TDRKH: variants seen among roughly 807,000 people sequenced by gnomAD.
TDRKH encodes the protein tudor and KH domain containing, also known as tudor and KH domain-containing protein.
Under a neutral mutation model 61.3 loss-of-function variants are expected in TDRKH, and 28 were observed. The ratio of observed to expected loss-of-function variants is 0.46; its 90% CI spans 0.34 to 0.63. The LOEUF (loss-of-function observed/expected upper bound fraction) is 0.63, where lower values mean the gene tolerates loss of function less well. Ranked by LOEUF, TDRKH falls within the 20% of genes least tolerant of loss-of-function variation. TDRKH has a pLI of 0.01. For missense variants in TDRKH, 540 were observed against 683.4 expected, an observed-to-expected ratio of 0.79 and a Z score of 2.34; for synonymous variants, 219 against 244.4, an observed-to-expected ratio of 0.90 and a Z score of 0.97.
At chr1:151,767,874 A>G, downstream of TDRKH, 1 of 734,670 alleles carries the variant, frequency 1.4e-6, no homozygotes. Context: ...GATATAAAGG[A>G]GAACTCCACA....
Position 151,773,988 on chromosome 1 carries a change from C to G in TDRKH, c.*464G>C, listed in dbSNP as rs752703686. The G allele has an allele frequency of 7.6e-5, 12 of 158,768 alleles. No individual in the cohort carries two copies. The highest frequency in any genetic ancestry group is 1.2e-4 in the Non-Finnish European group (9 of 72,552). 9.8% of individuals were successfully genotyped at this position (158,768 alleles called of 1,614,324 possible). On this transcript the variant is annotated 3_prime_UTR_variant, in exon 13 of 13. Coordinates refer to ENST00000368824, the MANE Select transcript of TDRKH (RefSeq NM_001083965.2). ...GACTGGTAGAGGGGACTGAGCCTGACGTTGAACGGCCTGGAAGTAACACAG... is the reference window on the plus strand; with the variant it reads ...GACTGGTAGAGGGGACTGAGCCTGAGGTTGAACGGCCTGGAAGTAACACAG...
chr1:151,784,933 G>GTTTT (rs377380901), intron 1 of TDRKH, among the ~76,000 whole-genome samples: 1 of 126,532 alleles, frequency 7.9e-6, no homozygotes, highest in Admixed American at 8.0e-5. Flanking sequence ...ATGGCAATTC[G>GTTTT]TTTTTTTTTT....
In TDRKH at chr1:151,773,811, A is replaced by C. The variant is rs1648893899; in HGVS notation, c.*641T>G. 1 of 152,186 alleles carries C rather than the reference A, an allele frequency of 6.6e-6. No homozygotes were observed. Among genetic ancestry groups the C allele is most frequent in the South Asian group, 2.1e-4 (1 of 4,828 alleles). 9.4% of individuals were successfully genotyped at this position (152,186 alleles called of 1,614,324 possible). A position where few individuals can be genotyped will look rare whatever the true frequency, so the allele number is the denominator to read the frequency against. ...ATTTTTGCCTTTGCCTCCTGATTCA[A>C]CTGGAGTCTTTGAGTTCACCACTCA... is the stretch of plus-strand genomic sequence containing the variant. On this transcript the variant is annotated 3_prime_UTR_variant, in exon 13 of 13. Transcript: ENST00000368824.
rs71093211 is a variant in TDRKH at position 151,787,808 on chromosome 1, C to CAA, written c.-28+2570_-28+2571dup. Among the ~76,000 whole-genome samples, 94 of 50,576 alleles carry CAA rather than the reference C, an allele frequency of 1.9e-3. 5 individuals carry two copies. The highest frequency in any genetic ancestry group is 6.6e-3 in the South Asian group (6 of 904). The allele number at this position is 50,576 out of a possible 152,430, so 33.2% of individuals were successfully genotyped here. A position where few individuals can be genotyped will look rare whatever the true frequency, so the allele number is the denominator to read the frequency against. ...GCAACATAGTGAGACTCTGTTTCTA[C>CAA]AAAAAAAAAAAAAAAAAAAAAAAAA... On this transcript the variant is annotated intron_variant, in intron 1 of 12. Coordinates refer to ENST00000368824, the MANE Select transcript of TDRKH (RefSeq NM_001083965.2).
At chr1:151,771,384 A>G, downstream of TDRKH, 1 of 1,382,976 alleles carries the variant, frequency 7.2e-7, no homozygotes, top group Non-Finnish European at 9.4e-7. Flanking sequence ...CTGGAGTGGG[A>G]TATACACCTT....
intron 1 of TDRKH, among the ~76,000 whole-genome samples, chr1:151,789,497 TAAG>T (rs1007465713): frequency 1.3e-5 from 2 of 152,198 alleles, no homozygotes; most frequent in Non-Finnish European, 2.9e-5. Flanking sequence ...TAGGGGAAGC[TAAG>T]AAGAGAAGAT....
At chr1:151,770,506 A>C (rs1337915510), downstream of TDRKH, 10 of 448,534 alleles carry the variant, frequency 2.2e-5, no homozygotes, top group Non-Finnish European at 4.0e-5. Context: ...AATTACACAG[A>C]ATCCATTCAA....
intron 3 of TDRKH, 100 bp downstream of exon 3, chr1:151,781,381 G>A: frequency 1.4e-6 from 1 of 709,652 alleles, no homozygotes; most frequent in Non-Finnish European, 2.4e-6. Flanking sequence ...CACACACAGA[G>A]CATGTGAATG....
rs1036012070 is a variant in TDRKH, at chr1:151,774,393, T to C, written c.*59A>G. ...CTCATTACTTTCCTGTTGCTACAGA[T>C]AGATGATAGCTGCACTCACACAGCA... On this transcript the variant is annotated 3_prime_UTR_variant, in exon 13 of 13. Transcript: ENST00000368824. The C allele has an allele frequency of 2.1e-5, 33 of 1,582,214 alleles. No homozygotes were observed. Among genetic ancestry groups the C allele is most frequent in the African/African-American group, 2.7e-5 (2 of 73,906 alleles).
Position 151,775,054 on chromosome 1 carries a change from C to T in TDRKH, c.1536+11G>A. ...CTGGAAGCAGCACCCTATATAACTA[C>T]AATAGCTCACCATGTCCTTCAACAT... On this transcript the variant is annotated intron_variant, in intron 11 of 12. Coordinates refer to ENST00000368824, the MANE Select transcript of TDRKH (RefSeq NM_001083965.2). 6.2e-7 allele frequency: 1 copy of T among 1,613,842 alleles called. No homozygotes were observed.
chr1:151,788,464 G>A (rs1650561889), intron 1 of TDRKH, among the ~76,000 whole-genome samples: 1 of 152,084 alleles, frequency 6.6e-6, no homozygotes, highest in African/African-American at 2.4e-5. Context: ...CTAGCCCTGT[G>A]AACAAGAATA....
intron 1 of TDRKH, among the ~76,000 whole-genome samples, chr1:151,786,596 T>C (rs143210055): frequency 6.6e-6 from 1 of 152,312 alleles, no homozygotes; most frequent in East Asian, 1.9e-4. Flanking sequence ...ATGACCAGAA[T>C]TTGCATCTGG....
At chr1:151,781,714 A>AT in intron 2 of TDRKH, 127 bp from the exon 3 acceptor site, 1 of 769,462 alleles carries the variant, frequency 1.3e-6, no homozygotes. Context: ...GATCTCAACC[A>AT]TAACAACAAG....
intron 8 of TDRKH, 67 bp downstream of exon 8, chr1:151,776,029 C>G: frequency 6.3e-7 from 1 of 1,578,118 alleles, no homozygotes; most frequent in Admixed American, 1.7e-5. Flanking sequence ...TGACAACTGC[C>G]AACAGCTCAC....
chr1:151,772,985 T>C (rs1405904094), downstream of TDRKH, among the ~76,000 whole-genome samples: 3 of 152,192 alleles, frequency 2.0e-5, no homozygotes, highest in African/African-American at 7.2e-5. Flanking sequence ...TGCCTCAGCC[T>C]CCCAAATAGC....
At chr1:151,773,285 C>T (rs975986151), downstream of TDRKH, among the ~76,000 whole-genome samples, 3 of 152,038 alleles carry the variant, frequency 2.0e-5, no homozygotes, top group Middle Eastern at 3.4e-3. Flanking sequence ...CCTCCCAAAG[C>T]GCTGGGATTA....
chr1:151,777,120 T>A (rs1222110762), intron 6 of TDRKH, among the ~76,000 whole-genome samples: 16 of 152,188 alleles, frequency 1.1e-4, no homozygotes, highest in Admixed American at 1.0e-3. Flanking sequence ...AAAGGCAATA[T>A]AAAATCTGGC....
At chr1:151,771,372 G>A, downstream of TDRKH, 3 of 1,439,802 alleles carry the variant, frequency 2.1e-6, no homozygotes, top group Non-Finnish European at 1.8e-6. Context: ...TAATAGGGTT[G>A]ACTGGAGTGG....
chr1:151,778,079 C>T (rs1996732), intron 6 of TDRKH, among the ~76,000 whole-genome samples: 62,131 of 151,708 alleles, frequency 0.41, 13,778 homozygotes, highest in Non-Finnish European at 0.51. Context: ...TAAAACATGG[C>T]GAAAGGAGCT....
Sources: allele counts gnomAD v4.1 joint callset (sites outside exome capture counted in the v4.1 genomes callset), GRCh38; gene constraint gnomAD v4.1.1; transcripts MANE v1.5; gene names NCBI Gene and HGNC (gene_info 2026-07-23, HGNC 2026-07-21).